Variants in PDHX observed in about 807,000 individuals in gnomAD.
PDHX encodes the protein pyruvate dehydrogenase complex component X, also known as pyruvate dehydrogenase protein X component, mitochondrial.
A neutral mutation model predicts 55.3 loss-of-function variants in PDHX; 33 were observed. That is an observed-to-expected ratio of 0.60 (90% confidence interval 0.45 to 0.80). The LOEUF (loss-of-function observed/expected upper bound fraction) is 0.80, where lower values mean the gene tolerates loss of function less well. Ranked by LOEUF, PDHX falls within the 30% of genes least tolerant of loss-of-function variation. PDHX has a pLI of 0.00. For synonymous variants in PDHX, 226 were observed against 219.4 expected (o/e 1.03, Z -0.27); for missense variants, 622 against 619.9 (o/e 1.00, Z -0.04).
rs1421938466 is a variant in PDHX, at chr11:34,970,292, T to C, written c.964+6T>C. 1.9e-6 allele frequency: 3 copies of C among 1,609,894 alleles called. No homozygotes were observed. The highest frequency in any genetic ancestry group is 1.1e-5 in the South Asian group (1 of 90,956). On this transcript the variant is annotated splice_donor_region_variant and intron_variant, in intron 7 of 10. Transcript: ENST00000227868. ...TAGGCAAGATCTGGTCAAAGGTTAGTAAAATTGAATTTACTTAATACAAAA... is the reference window on the plus strand; with the variant it reads ...TAGGCAAGATCTGGTCAAAGGTTAGCAAAATTGAATTTACTTAATACAAAA...
chr11:34,949,238 TTTTTTGTTTTTG>T (rs1003544099), intron 3 of PDHX, among the ~76,000 whole-genome samples: 34 of 149,844 alleles, frequency 2.3e-4, no homozygotes, highest in African/African-American at 6.3e-4. Context: ...TTTTCTTCTG[TTTTTTGTTTTTG>T]TTTTTGTTTT....
chr11:34,937,917 A>G (rs913822515), intron 2 of PDHX, among the ~76,000 whole-genome samples: 1 of 152,226 alleles, frequency 6.6e-6, no homozygotes, highest in African/African-American at 2.4e-5. Flanking sequence ...CCCACATTTA[A>G]TAACGTATGT....
chr11:34,994,812 C>T, intron 10 of PDHX, 102 bp from the exon 11 acceptor site: 6 of 1,274,328 alleles, frequency 4.7e-6, no homozygotes, highest in Admixed American at 3.5e-5. Flanking sequence ...TTTTTTCTTG[C>T]CTTACTACAC....
intron 9 of PDHX, chr11:34,984,985 A>G (rs1855609172): frequency 2.5e-6 from 1 of 393,232 alleles, no homozygotes; most frequent in East Asian, 5.3e-5. Context: ...TTCATGCTAA[A>G]GACAAGCTTT....
intron 2 of PDHX, among the ~76,000 whole-genome samples, chr11:34,945,798 T>C (rs574110875): frequency 8.5e-5 from 13 of 152,370 alleles, no homozygotes; most frequent in Admixed American, 3.9e-4. Flanking sequence ...TTTGTATACA[T>C]GTATACCCAT....
chr11:34,916,102 G>T, upstream of PDHX: 1 of 1,295,278 alleles, frequency 7.7e-7, no homozygotes, highest in South Asian at 1.4e-5. Context: ...GTAGCGAACG[G>T]CCAGGCCCGA....
At chr11:34,943,564 C>G (rs1854543111) in intron 2 of PDHX, among the ~76,000 whole-genome samples, 1 of 152,088 alleles carries the variant, frequency 6.6e-6, no homozygotes, top group African/African-American at 2.4e-5. Flanking sequence ...TCTGTTTTAA[C>G]CACTAAAACA....
At chr11:34,920,385 A>G (rs1222780877) in intron 1 of PDHX, among the ~76,000 whole-genome samples, 1 of 152,226 alleles carries the variant, frequency 6.6e-6, no homozygotes, top group African/African-American at 2.4e-5. Flanking sequence ...TAGGCAATAC[A>G]TATTATAGAT....
chr11:34,944,087 G>A (rs1467969417), intron 2 of PDHX, among the ~76,000 whole-genome samples: 1 of 148,260 alleles, frequency 6.7e-6, no homozygotes, highest in East Asian at 1.9e-4. Context: ...ATATGTGTGT[G>A]TGTGTGTATA....
chr11:34,942,229 TG>T (rs1854505063), intron 2 of PDHX, among the ~76,000 whole-genome samples: 1 of 152,200 alleles, frequency 6.6e-6, no homozygotes, highest in African/African-American at 2.4e-5. Flanking sequence ...GTCCTGATTC[TG>T]GTAGAAATGA....
At chr11:34,960,331 A>T in intron 4 of PDHX, 89 bp from the exon 5 acceptor site, 3 of 826,878 alleles carry the variant, frequency 3.6e-6, no homozygotes, top group Admixed American at 2.0e-5. Context: ...ATTTTTTTTT[A>T]ATTATTTGCG....
chr11:34,968,550 A>G (rs1183949366), intron 6 of PDHX, among the ~76,000 whole-genome samples: 2 of 152,326 alleles, frequency 1.3e-5, no homozygotes, highest in Non-Finnish European at 2.9e-5. Flanking sequence ...GAATGGAAAA[A>G]CTACAGTGAA....
At chr11:34,935,538 C>T (rs1449724239) in intron 2 of PDHX, among the ~76,000 whole-genome samples, 1 of 152,120 alleles carries the variant, frequency 6.6e-6, no homozygotes, top group Non-Finnish European at 1.5e-5. Flanking sequence ...GGTAGAGTCT[C>T]CCCTCCAGGT....
upstream of PDHX, chr11:34,916,610 T>C (rs764604412): frequency 1.9e-6 from 3 of 1,598,630 alleles, no homozygotes; most frequent in Admixed American, 3.3e-5. Flanking sequence ...GCCTTGATGC[T>C]GGACATCAGG....
rs561933148 is a variant in PDHX, at chr11:34,969,191, AG to A, written c.817-947del. Among the ~76,000 whole-genome samples, 956 of 152,216 alleles carry A rather than the reference AG, an allele frequency of 6.3e-3. 5 individuals carry two copies. Among genetic ancestry groups the A allele is most frequent in the Non-Finnish European group, 9.2e-3 (624 of 68,000 alleles). On this transcript the variant is annotated intron_variant, in intron 6 of 10. Coordinates refer to ENST00000227868, the MANE Select transcript of PDHX (RefSeq NM_003477.3). ...ATGCTAAGGCTTACCTGTGATGTTC[AG>A]TATGTTAGGTGTATTAAATGCACTT... is the stretch of plus-strand genomic sequence containing the variant.
chr11:34,931,528 G>A, intron 2 of PDHX, 44 bp downstream of exon 2: 1 of 1,038,564 alleles, frequency 9.6e-7, no homozygotes, highest in Non-Finnish European at 1.4e-6. Flanking sequence ...TTGTTATTTG[G>A]TTATTTTGTT....
intron 9 of PDHX, among the ~76,000 whole-genome samples, chr11:34,985,314 G>T (rs1277040014): frequency 1.3e-5 from 2 of 152,080 alleles, no homozygotes; most frequent in Non-Finnish European, 2.9e-5. Flanking sequence ...GGTGGCGCGT[G>T]CCTGTAATTC....
intron 6 of PDHX, among the ~76,000 whole-genome samples, chr11:34,968,991 A>G (rs887478054): frequency 2.6e-5 from 4 of 152,236 alleles, no homozygotes; most frequent in African/African-American, 9.6e-5. Flanking sequence ...CACATTCAGT[A>G]GAAAGCAGTG....
chr11:34,970,381 T>C (rs767213306), intron 7 of PDHX, 95 bp downstream of exon 7: 11 of 1,019,552 alleles, frequency 1.1e-5, no homozygotes, highest in Non-Finnish European at 1.6e-5. Context: ...CTACATTGTG[T>C]AGCTTTTAAT....
Sources: gnomAD v4.1 joint callset for allele counts (sites outside exome capture counted in the v4.1 genomes callset) on GRCh38, gnomAD v4.1.1 for gene constraint, MANE v1.5 for transcripts, NCBI Gene and HGNC (gene_info 2026-07-23, HGNC 2026-07-21) for gene names.